Variants in GRIN2B observed in about 807,000 individuals in gnomAD.
The protein encoded by GRIN2B is glutamate receptor ionotropic, NMDA 2B.
Under a neutral mutation model 114.5 loss-of-function variants are expected in GRIN2B, and 5 were observed. The ratio of observed to expected loss-of-function variants is 0.04; its 90% CI spans 0.02 to 0.09. The LOEUF (loss-of-function observed/expected upper bound fraction) is 0.09. Ranked by LOEUF, GRIN2B falls within the 10% of genes least tolerant of loss-of-function variation. GRIN2B has a pLI of 1.00. For missense variants in GRIN2B, 1,108 were observed against 1,943.5 expected (o/e 0.57, Z 8.08); for synonymous variants, 787 against 745.1 (o/e 1.06, Z -0.92).
At chr12:13,950,542 G>A (rs1403335313) in intron 2 of GRIN2B, among the ~76,000 whole-genome samples, 3 of 152,160 alleles carry the variant, frequency 2.0e-5, no homozygotes, top group Non-Finnish European at 4.4e-5. Context: ...GCTAGGATGT[G>A]CTCAATAAAT....
chr12:13,593,785 A>T (rs957828035), intron 10 of GRIN2B, among the ~76,000 whole-genome samples: 1 of 152,240 alleles, frequency 6.6e-6, no homozygotes, highest in Admixed American at 6.5e-5. Context: ...TGTCCATCTG[A>T]CAAAGGCCTA....
chr12:13,858,781 T>C (rs1472873355), intron 3 of GRIN2B, among the ~76,000 whole-genome samples: 1 of 152,218 alleles, frequency 6.6e-6, no homozygotes, highest in Non-Finnish European at 1.5e-5. Context: ...GCTTATATCC[T>C]ATGTGTATCA....
chr12:13,744,817 C>A (rs1404001621), intron 4 of GRIN2B, among the ~76,000 whole-genome samples: 1 of 152,156 alleles, frequency 6.6e-6, no homozygotes, highest in Non-Finnish European at 1.5e-5. Context: ...CCACCATGTC[C>A]TCCCGGAAGA....
chr12:13,792,180 G>A (rs1187758958), intron 3 of GRIN2B, among the ~76,000 whole-genome samples: 2 of 152,248 alleles, frequency 1.3e-5, no homozygotes, highest in African/African-American at 4.8e-5. Context: ...GCATGCCCCA[G>A]CTTAAGCCAG....
intron 3 of GRIN2B, among the ~76,000 whole-genome samples, chr12:13,831,421 G>A (rs1865143301): frequency 6.6e-6 from 1 of 152,042 alleles, no homozygotes; most frequent in African/African-American, 2.4e-5. Context: ...TTAACTGCTG[G>A]TGATCCTCTC....
intron 5 of GRIN2B, among the ~76,000 whole-genome samples, chr12:13,666,677 A>G (rs954920812): frequency 1.3e-5 from 2 of 152,140 alleles, no homozygotes; most frequent in Non-Finnish European, 2.9e-5. Context: ...CTTCCTGTAT[A>G]CATGAATTAT....
At chr12:13,760,066 G>A (rs570364034) in intron 3 of GRIN2B, among the ~76,000 whole-genome samples, 23 of 152,300 alleles carry the variant, frequency 1.5e-4, no homozygotes, top group Non-Finnish European at 2.6e-4. Flanking sequence ...ACCACAACAC[G>A]GAATGCTGAA....
chr12:13,558,830 G>A lies in GRIN2B; in HGVS notation c.*3953C>T, dbSNP rs1186999068. On this transcript the variant is annotated 3_prime_UTR_variant, in exon 14 of 14. Transcript: ENST00000609686. ...CCACTGTACATGCATCACTTTGAAG[G>A]GTGTGCAAAGTCTCGACTCAGGCAA... 1 of 152,174 alleles carries A rather than the reference G, an allele frequency of 6.6e-6. No individual in the cohort carries two copies. Among genetic ancestry groups the A allele is most frequent in the East Asian group, 1.9e-4 (1 of 5,206 alleles). The allele number at this position is 152,174 out of a possible 1,614,324, so 9.4% of individuals were successfully genotyped here.
rs1414370305 is a variant in GRIN2B, at chr12:13,567,085, G to C, written c.2538C>G (p.Phe846Leu). 2.5e-6 allele frequency: 4 copies of C among 1,614,180 alleles called. No individual in the cohort carries two copies. In the South Asian group the frequency reaches 4.4e-5, roughly 18 times the overall value. ...FICEHLFYWQ[F>L]RHCFMGVCSG... Reference sequence around the variant, plus strand: ...AACAGACACCCATAAAGCAATGTCGGAACTGCCAATAGAAAAGGTGTTCGC... The same window carrying C: ...AACAGACACCCATAAAGCAATGTCGCAACTGCCAATAGAAAAGGTGTTCGC... The change falls in exon 13 of 14, where the codon TTC (phenylalanine) becomes TTG (leucine). Residue 846 changes from phenylalanine to leucine, a missense_variant. Transcript: ENST00000609686.
intron 2 of GRIN2B, among the ~76,000 whole-genome samples, chr12:13,957,623 G>C (rs1328632397): frequency 3.3e-5 from 5 of 152,182 alleles, no homozygotes; most frequent in Admixed American, 6.5e-5. Context: ...CGAGTGCTGA[G>C]CTCCTATAAG....
At chr12:13,678,825 C>T (rs1014950269) in intron 4 of GRIN2B, among the ~76,000 whole-genome samples, 4 of 152,048 alleles carry the variant, frequency 2.6e-5, no homozygotes. Flanking sequence ...TATTTTAAAC[C>T]AACAAACTAG....
upstream of GRIN2B, chr12:13,981,708 G>C (rs1276169456): frequency 6.6e-6 from 1 of 151,642 alleles, no homozygotes; most frequent in Non-Finnish European, 1.5e-5. Flanking sequence ...CCGGGGGAAG[G>C]GAAGCGGGCG....
At chr12:13,570,542 C>A (rs1467026348) in intron 11 of GRIN2B, among the ~76,000 whole-genome samples, 1 of 152,012 alleles carries the variant, frequency 6.6e-6, no homozygotes, top group Non-Finnish European at 1.5e-5. Context: ...GAGGTGGTGG[C>A]AGTACAGGCT....
intron 2 of GRIN2B, among the ~76,000 whole-genome samples, chr12:13,937,461 C>G (rs1173582809): frequency 6.7e-6 from 1 of 150,246 alleles, no homozygotes; most frequent in African/African-American, 2.4e-5. Flanking sequence ...TGACTGCTGA[C>G]CAGAAGACAA....
intron 2 of GRIN2B, among the ~76,000 whole-genome samples, chr12:13,915,219 A>G (rs1349660513): frequency 6.6e-6 from 1 of 152,166 alleles, no homozygotes; most frequent in Non-Finnish European, 1.5e-5. Flanking sequence ...CCATTATCTT[A>G]TCTTAGAGGT....
rs1405636639 is a variant in GRIN2B at position 13,543,459 on chromosome 12, C to A, written c.*19324G>T. On this transcript the variant is annotated 3_prime_UTR_variant, in exon 14 of 14. Transcript: ENST00000609686. ...ATGACCAAACATTATAGTTAACACA[C>A]TGCAGTTGCCCTTGACTCCACATCT... The A allele has an allele frequency of 6.6e-6, 1 of 152,252 alleles. No individual in the cohort carries two copies. Among genetic ancestry groups the A allele is most frequent in the African/African-American group, 2.4e-5 (1 of 41,456 alleles). 9.4% of individuals were successfully genotyped at this position (152,252 alleles called of 1,614,324 possible). A position where few individuals can be genotyped will look rare whatever the true frequency, so the allele number is the denominator to read the frequency against.
intron 8 of GRIN2B, among the ~76,000 whole-genome samples, chr12:13,612,304 A>T (rs1805483): frequency 0.62 from 93,845 of 152,132 alleles, 31,183 homozygotes; most frequent in East Asian, 0.83. Context: ...CCTACCTACT[A>T]TTTTAGAGTT....
rs149882338 is a variant in GRIN2B at position 13,925,807 on chromosome 12, A to C, written c.-19+54121T>G. Among the ~76,000 whole-genome samples, 493 of 152,332 alleles carry C rather than the reference A, an allele frequency of 3.2e-3. 2 individuals carry two copies. The highest frequency in any genetic ancestry group is 0.02 in the Middle Eastern group (6 of 294). On this transcript the variant is annotated intron_variant, in intron 2 of 13. Coordinates refer to ENST00000609686, the MANE Select transcript of GRIN2B (RefSeq NM_000834.5). ...CAAAGTCAGCACTAATGACCTGTTG[A>C]TGATTTTAATGGTTTTTACAATAAG...
At chr12:13,580,471 C>A (rs756640903) in intron 10 of GRIN2B, among the ~76,000 whole-genome samples, 2 of 152,166 alleles carry the variant, frequency 1.3e-5, no homozygotes, top group African/African-American at 4.8e-5. Flanking sequence ...ATATTCATTC[C>A]ATTACTTCTG....
Sources: gnomAD v4.1 joint callset for allele counts (sites outside exome capture counted in the v4.1 genomes callset) on GRCh38, gnomAD v4.1.1 for gene constraint, MANE v1.5 for transcripts, NCBI Gene and HGNC (gene_info 2026-07-23, HGNC 2026-07-21) for gene names.